Variants in SCNN1B observed in about 807,000 individuals in gnomAD.
The protein encoded by SCNN1B is sodium channel epithelial 1 subunit beta.
SCNN1B carries 46 observed loss-of-function variants against 65.3 expected under a neutral mutation model. That is an observed-to-expected ratio of 0.70 (90% CI 0.56 to 0.90). The LOEUF is 0.90. SCNN1B is among the 40% of genes least tolerant of loss of function. The pLI is 0.00. For synonymous variants in SCNN1B, 349 were observed against 330.6 expected, an observed-to-expected ratio of 1.06 and a Z score of -0.60; for missense variants, 751 against 830.5, an observed-to-expected ratio of 0.90 and a Z score of 1.18.
Position 23,348,834 on chromosome 16 carries a change from G to A in SCNN1B, c.235G>A (p.Val79Ile), listed in dbSNP as rs752133979. 2.5e-6 allele frequency: 4 copies of A among 1,614,146 alleles called. No homozygotes were observed. In the South Asian group the frequency reaches 3.3e-5, roughly 13 times the overall value. ...IFIRTYLSWE[V>I]SVSLSVGFKT... ...CATCAGGACCTACTTGAGCTGGGAG[G>A]TCAGCGTCTCCCTCTCCGTAGGCTT... Residue 79 changes from valine (V) to isoleucine (I), a missense_variant, in exon 2 of 13, where the codon GTC becomes ATC. Coordinates refer to ENST00000343070, the MANE Select transcript of SCNN1B (RefSeq NM_000336.3). The surrounding 1 kb of genome is among the most constrained non-coding windows in gnomAD (Gnocchi z 4.5).
intron 2 of SCNN1B, among the ~76,000 whole-genome samples, chr16:23,293,276 A>G (rs1420469951): frequency 4.6e-5 from 7 of 152,148 alleles, no homozygotes; most frequent in Non-Finnish European, 1.0e-4. Context: ...GTCCATAAAC[A>G]GATAAATGGA....
At chr16:23,293,142 A>AAAAAAAT (rs1960950950) in intron 2 of SCNN1B, among the ~76,000 whole-genome samples, 1 of 147,756 alleles carries the variant, frequency 6.8e-6, no homozygotes. Flanking sequence ...AAAAAAAAAA[A>AAAAAAAT]GTGAGACTTA....
chr16:23,358,700 G>C (rs1180588398), intron 4 of SCNN1B, among the ~76,000 whole-genome samples: 1 of 152,086 alleles, frequency 6.6e-6, no homozygotes, highest in African/African-American at 2.4e-5. Flanking sequence ...TGAGACCAGG[G>C]GTTCGAGACC....
At position 23,381,202 on chromosome 16, in the gene SCNN1B, C is replaced by A. The variant is rs1963045539; in HGVS notation, c.*401C>A. 2 of 277,544 alleles carry A rather than the reference C, an allele frequency of 7.2e-6. No homozygotes were observed. The highest frequency in any genetic ancestry group is 1.4e-5 in the Non-Finnish European group (2 of 143,620). 17.2% of individuals were successfully genotyped at this position (277,544 alleles called of 1,614,324 possible). On this transcript the variant is annotated 3_prime_UTR_variant, in exon 13 of 13. Transcript: ENST00000343070. ...TCCTGGCCTTGGCTGGCCTCTGGGG[C>A]AGGGGTGGTGGAGAGATGGAAGGGC...
At chr16:23,351,623 T>C (rs1422427693) in intron 2 of SCNN1B, among the ~76,000 whole-genome samples, 1 of 152,226 alleles carries the variant, frequency 6.6e-6, no homozygotes, top group African/African-American at 2.4e-5. Context: ...CAGGAAGTTC[T>C]CCAGCCAGAG....
intron 4 of SCNN1B, 131 bp downstream of exon 4, chr16:23,355,620 T>G: frequency 2.2e-6 from 2 of 911,064 alleles, no homozygotes; most frequent in Non-Finnish European, 3.5e-6. Context: ...AGCACAGTTT[T>G]CTGTGCCTCG....
intron 1 of SCNN1B, among the ~76,000 whole-genome samples, chr16:23,341,709 T>A (rs1386285258): frequency 6.6e-6 from 1 of 152,230 alleles, no homozygotes; most frequent in Non-Finnish European, 1.5e-5. Context: ...ATGGCCAATA[T>A]ATAAGCCTAT....
chr16:23,297,014 G>A (rs1378726299), intron 2 of SCNN1B, among the ~76,000 whole-genome samples: 3 of 151,360 alleles, frequency 2.0e-5, no homozygotes, highest in African/African-American at 7.3e-5. Flanking sequence ...AAAAGAGAGA[G>A]AGAGAGAGAA....
chr16:23,287,503 G>A (rs1189989676), intron 2 of SCNN1B, among the ~76,000 whole-genome samples: 2 of 152,016 alleles, frequency 1.3e-5, no homozygotes, highest in African/African-American at 4.8e-5. Flanking sequence ...TTTGAGCCTA[G>A]GAGTTCAAGA....
intron 8 of SCNN1B, among the ~76,000 whole-genome samples, chr16:23,376,744 T>TAAAAA (rs770607656): frequency 4.8e-5 from 3 of 63,140 alleles, no homozygotes; most frequent in Admixed American, 1.8e-4. Context: ...ACCCCGTCTA[T>TAAAAA]AAAAAAAAAA....
Position 23,355,323 on chromosome 16 carries a change from A to G in SCNN1B, c.610A>G (p.Thr204Ala), listed in dbSNP as rs1567308931. The G allele has an allele frequency of 6.2e-7, 1 of 1,614,114 alleles. No homozygotes were observed. Among genetic ancestry groups the G allele is most frequent in the Non-Finnish European group, 8.5e-7 (1 of 1,180,014 alleles). The change falls in exon 4 of 13, where the codon ACC (threonine) becomes GCC (alanine). Residue 204 changes from threonine to alanine, a missense_variant. Transcript: ENST00000343070. The part of the protein sequence containing the change: ...RLCSLNRTQC[T>A]FRNFTSATQA... Reference sequence around the variant, plus strand: ...GTGTAGCCTCAACAGGACCCAGTGTACCTTCCGGAACTTCACCAGTGCTAC... The same window carrying G: ...GTGTAGCCTCAACAGGACCCAGTGTGCCTTCCGGAACTTCACCAGTGCTAC...
chr16:23,293,031 C>T (rs1475343649), intron 2 of SCNN1B, among the ~76,000 whole-genome samples: 1 of 143,922 alleles, frequency 6.9e-6, no homozygotes, highest in African/African-American at 2.6e-5. Context: ...ATGAGAATTG[C>T]TTGAACCCGG....
intron 1 of SCNN1B, among the ~76,000 whole-genome samples, chr16:23,336,434 C>T (rs1037397510): frequency 2.7e-5 from 4 of 149,594 alleles, no homozygotes; most frequent in East Asian, 2.0e-4. Flanking sequence ...TGCAGGGGCA[C>T]GATCTCGGCT....
At chr16:23,307,655 A>C (rs1315011498) in intron 1 of SCNN1B, among the ~76,000 whole-genome samples, 1 of 152,098 alleles carries the variant, frequency 6.6e-6, no homozygotes, top group Non-Finnish European at 1.5e-5. Flanking sequence ...CCTAACTCAC[A>C]TGGTAGACTA....
chr16:23,346,983 G>A (rs1432934300), intron 1 of SCNN1B, among the ~76,000 whole-genome samples: 3 of 152,144 alleles, frequency 2.0e-5, no homozygotes, highest in Non-Finnish European at 4.4e-5. Flanking sequence ...TCACAAGCTA[G>A]GAAGCAGCAG....
chr16:23,359,736 C>T (rs1293709762), intron 4 of SCNN1B, among the ~76,000 whole-genome samples: 1 of 152,218 alleles, frequency 6.6e-6, no homozygotes, highest in Non-Finnish European at 1.5e-5. Flanking sequence ...TGAATGTCAG[C>T]TCAGTATGTG....
At chr16:23,303,053 T>C (rs1415164604) in intron 1 of SCNN1B, among the ~76,000 whole-genome samples, 1 of 152,026 alleles carries the variant, frequency 6.6e-6, no homozygotes, top group Non-Finnish European at 1.5e-5. Flanking sequence ...GGTGATGTGG[T>C]GGAGGAGGCC....
chr16:23,344,643 A>G (rs1223047598), intron 1 of SCNN1B, among the ~76,000 whole-genome samples: 2 of 152,206 alleles, frequency 1.3e-5, no homozygotes, highest in African/African-American at 2.4e-5. Flanking sequence ...CTCTATGAAC[A>G]TCCTCTTACA....
chr16:23,338,298 C>A (rs781348934), intron 1 of SCNN1B, among the ~76,000 whole-genome samples: 9 of 152,278 alleles, frequency 5.9e-5, no homozygotes, highest in Non-Finnish European at 8.8e-5. Flanking sequence ...CCCTAAAACT[C>A]TTCTTCACTT....
Sources: gnomAD v4.1 joint callset for allele counts (sites outside exome capture counted in the v4.1 genomes callset) on GRCh38, gnomAD v4.1.1 for gene constraint, Gnocchi (gnomAD v3.1) non-coding constraint, MANE v1.5 for transcripts, NCBI Gene and HGNC (gene_info 2026-07-23, HGNC 2026-07-21) for gene names.